The following PLXDC2 variants were observed in gnomAD, a reference collection of about 807,000 sequenced individuals.
PLXDC2 encodes plexin domain-containing protein 2.
A neutral mutation model predicts 68.9 loss-of-function variants in PLXDC2; 40 were observed. The ratio of observed to expected loss-of-function variants is 0.58; its 90% CI spans 0.45 to 0.76. PLXDC2 has a LOEUF of 0.76. PLXDC2 is among the 30% of genes least tolerant of loss of function. The probability of loss-of-function intolerance (pLI) is 0.00; values close to 1 mark genes in which losing one functional copy is unlikely to be tolerated. For missense variants in PLXDC2, 644 were observed against 661.9 expected (o/e 0.97, Z 0.30); for synonymous variants, 243 against 234.2 (o/e 1.04, Z -0.34).
intron 1 of PLXDC2, among the ~76,000 whole-genome samples, chr10:19,922,330 A>G (rs992026829): frequency 6.6e-6 from 1 of 152,210 alleles, no homozygotes; most frequent in African/African-American, 2.4e-5. Flanking sequence ...CTTGTACTTT[A>G]TGGGGCTGTC....
intron 7 of PLXDC2, among the ~76,000 whole-genome samples, chr10:20,173,487 G>A (rs1304936073): frequency 6.6e-6 from 1 of 152,144 alleles, no homozygotes; most frequent in Non-Finnish European, 1.5e-5. Context: ...GAAGATTCTT[G>A]GTGTTTCCAT....
chr10:19,975,476 T>A (rs12252969), intron 1 of PLXDC2, among the ~76,000 whole-genome samples: 27,252 of 151,484 alleles, frequency 0.18, 2,482 homozygotes, highest in East Asian at 0.27. Context: ...AAATAAATAA[T>A]TAAAAATAAA....
chr10:20,169,802 A>G (rs1834423098), intron 7 of PLXDC2, among the ~76,000 whole-genome samples: 1 of 152,210 alleles, frequency 6.6e-6, no homozygotes, highest in African/African-American at 2.4e-5. Context: ...GCCTTGCACT[A>G]GAAACCAGTC....
intron 1 of PLXDC2, among the ~76,000 whole-genome samples, chr10:19,994,062 C>G (rs936375456): frequency 6.6e-6 from 1 of 152,108 alleles, no homozygotes; most frequent in African/African-American, 2.4e-5. Flanking sequence ...TTCAATCCCA[C>G]ATAGCCATGC....
At chr10:20,137,644 T>G (rs1281069994) in intron 4 of PLXDC2, among the ~76,000 whole-genome samples, 1 of 152,202 alleles carries the variant, frequency 6.6e-6, no homozygotes, top group African/African-American at 2.4e-5. Flanking sequence ...ACCTCCTTGT[T>G]TAAGTATAAA....
chr10:20,277,757 T>C (rs1375106428), intron 13 of PLXDC2, among the ~76,000 whole-genome samples: 1 of 152,222 alleles, frequency 6.6e-6, no homozygotes, highest in Non-Finnish European at 1.5e-5. Flanking sequence ...TTGTTAGATT[T>C]GTTTTGCTAT....
intron 13 of PLXDC2, among the ~76,000 whole-genome samples, chr10:20,271,132 GACACACACACACACACAC>G (rs55677642): frequency 1.0e-5 from 1 of 97,856 alleles, no homozygotes; most frequent in East Asian, 2.6e-4. Flanking sequence ...ACAAAAAACA[GACACACACACACACACAC>G]ACACACACAC....
chr10:19,930,456 C>T (rs1833609313), intron 1 of PLXDC2, among the ~76,000 whole-genome samples: 1 of 152,070 alleles, frequency 6.6e-6, no homozygotes, highest in Non-Finnish European at 1.5e-5. Flanking sequence ...TATGTTGACT[C>T]TTATCAATGA....
At chr10:19,927,210 A>G (rs966579317) in intron 1 of PLXDC2, among the ~76,000 whole-genome samples, 14 of 152,212 alleles carry the variant, frequency 9.2e-5, no homozygotes, top group African/African-American at 3.4e-4. Context: ...CACCTTGTGA[A>G]AGTAACACAC....
At chr10:19,881,492 C>T (rs541838099) in intron 1 of PLXDC2, among the ~76,000 whole-genome samples, 4 of 152,078 alleles carry the variant, frequency 2.6e-5, no homozygotes, top group South Asian at 2.1e-4. Flanking sequence ...CAATGCTTAA[C>T]GCAAGACTAG....
chr10:20,161,131 C>A (rs1320306275), intron 6 of PLXDC2, among the ~76,000 whole-genome samples: 2 of 152,054 alleles, frequency 1.3e-5, no homozygotes, highest in Non-Finnish European at 2.9e-5. Flanking sequence ...GTGTAATAAA[C>A]CACCCCAAAA....
intron 3 of PLXDC2, among the ~76,000 whole-genome samples, chr10:20,064,299 A>C (rs1354852009): frequency 6.7e-6 from 1 of 150,100 alleles, no homozygotes; most frequent in Non-Finnish European, 1.5e-5. Flanking sequence ...TGGCTCACTG[A>C]AAGCTCCACC....
chr10:20,236,147 A>G (rs1835429226), intron 12 of PLXDC2, among the ~76,000 whole-genome samples: 1 of 152,056 alleles, frequency 6.6e-6, no homozygotes. Flanking sequence ...TTTATTTTTC[A>G]AAAATAATTT....
intron 1 of PLXDC2, among the ~76,000 whole-genome samples, chr10:19,834,856 A>G (rs541420205): frequency 6.6e-6 from 1 of 152,312 alleles, no homozygotes; most frequent in East Asian, 1.9e-4. Flanking sequence ...AAAAAGGACA[A>G]TTGTAAGAAA....
At chr10:20,091,012 T>G (rs554100364) in intron 4 of PLXDC2, among the ~76,000 whole-genome samples, 4 of 152,340 alleles carry the variant, frequency 2.6e-5, no homozygotes, top group Non-Finnish European at 5.9e-5. Context: ...CTATCTATGT[T>G]GCACACAGGA....
At chr10:20,150,205 A>C (rs1395102671) in intron 6 of PLXDC2, among the ~76,000 whole-genome samples, 1 of 152,172 alleles carries the variant, frequency 6.6e-6, no homozygotes, top group Non-Finnish European at 1.5e-5. Context: ...ATGGTGTCCT[A>C]CAGAATCTTC....
chr10:20,230,062 T>C (rs147584148), intron 12 of PLXDC2, among the ~76,000 whole-genome samples: 143 of 151,998 alleles, frequency 9.4e-4, no homozygotes, highest in Non-Finnish European at 1.6e-3. Flanking sequence ...ACAAAGAAAA[T>C]GAATAGCTAA....
intron 1 of PLXDC2, among the ~76,000 whole-genome samples, chr10:19,983,964 G>GGC (rs1834595102): frequency 6.6e-6 from 1 of 152,096 alleles, no homozygotes; most frequent in African/African-American, 2.4e-5. Flanking sequence ...CAATATAAAA[G>GGC]GCAGGCCCAA....
At chr10:20,252,539 A>G (rs1292905340) in intron 13 of PLXDC2, among the ~76,000 whole-genome samples, 2 of 152,234 alleles carry the variant, frequency 1.3e-5, no homozygotes, top group Non-Finnish European at 1.5e-5. Context: ...ATTAGAAAGA[A>G]AAGTTGGTTC....
Sources: allele counts gnomAD v4.1 joint callset (sites outside exome capture counted in the v4.1 genomes callset), GRCh38; gene constraint gnomAD v4.1.1; transcripts MANE v1.5; gene names NCBI Gene and HGNC (gene_info 2026-07-23, HGNC 2026-07-21).